DPM3: variants seen among roughly 807,000 people sequenced by gnomAD.
DPM3 encodes the protein dolichol-phosphate mannosyltransferase subunit 3.
A neutral mutation model predicts 8.9 loss-of-function variants in DPM3; 7 were observed. The ratio of observed to expected loss-of-function variants is 0.79; its 90% CI spans 0.45 to 1.48. The LOEUF is 1.48. Among genes scored for constraint, DPM3 ranks in the 40% most tolerant of loss-of-function variants. DPM3 has a pLI of 0.01. For missense variants in DPM3, 108 were observed against 116.2 expected, an observed-to-expected ratio of 0.93 and a Z score of 0.33; for synonymous variants, 41 against 56.3, an observed-to-expected ratio of 0.73 and a Z score of 1.22.
chr1:155,140,123 G>GCC lies in DPM3; in HGVS notation c.116_117dup (p.Pro40GlyfsTer47). ...GACACCAGCAAGTAGGCGGGCAGTG[G>GCC]CCACAGGACTTCCTGGCAGGACAAG... On this transcript the variant is annotated frameshift_variant, in exon 2 of 2. Transcript: ENST00000368400. LOFTEE classifies it high-confidence loss of function. 6.2e-7 allele frequency: 1 copy of GCC among 1,614,150 alleles called. No homozygotes were observed. Among genetic ancestry groups the GCC allele is most frequent in the South Asian group, 1.1e-5 (1 of 91,088 alleles).
chr1:155,139,916 G>A lies in DPM3; in HGVS notation c.*46C>T. The A allele has an allele frequency of 1.3e-6, 2 of 1,551,412 alleles. No homozygotes were observed. The highest frequency in any genetic ancestry group is 1.7e-6 in the Non-Finnish European group (2 of 1,150,826). On this transcript the variant is annotated 3_prime_UTR_variant, in exon 2 of 2. Transcript: ENST00000368400. ...TTAGAAAATAAACTGGCTCTTTAATGGGAAATGGGAGGAAGGGCTGTCCGC... is the reference window on the plus strand; with the variant it reads ...TTAGAAAATAAACTGGCTCTTTAATAGGAAATGGGAGGAAGGGCTGTCCGC...
Position 155,140,069 on chromosome 1 carries a change from CCA to C in DPM3, c.170_171del (p.Val57GlyfsTer9), listed in dbSNP as rs746623090. The C allele has an allele frequency of 6.2e-7, 1 of 1,614,082 alleles. No individual in the cohort carries two copies. The highest frequency in any genetic ancestry group is 1.7e-5 in the Admixed American group (1 of 60,024). Reference protein sequence around the residue: ...VSAGCYALGTVGYRVATFHDC... With the variant: ...VSAGCYALGTXGYRVATFHDC... ...TCATGAAAAGTGGCCACACGATAGC[CCA>C]CAGTGCCCAGGGCATAGCAGCCGGC... On this transcript the variant is annotated frameshift_variant, in exon 2 of 2. Transcript: ENST00000368400. LOFTEE classifies it high-confidence loss of function.
At chr1:155,140,322 G>A (rs1473431857) in intron 1 of DPM3, 77 bp from the exon 2 acceptor site, 3 of 1,510,512 alleles carry the variant, frequency 2.0e-6, no homozygotes, top group Non-Finnish European at 2.7e-6. Context: ...GCCCGCCCAC[G>A]GAGAGCATTA....
intron 1 of DPM3, 116 bp from the exon 2 acceptor site, chr1:155,140,361 C>G (rs1258045223): frequency 2.6e-6 from 3 of 1,141,544 alleles, no homozygotes; most frequent in Non-Finnish European, 3.9e-6. Flanking sequence ...GGGGAATCGC[C>G]GATCCCAGAG....
chr1:155,140,511 T>TC lies in DPM3; in HGVS notation c.-27dup. ...CTTACCTCTACCCCACGTCTCCCCT[T>TC]CCCCGCGCGGCCCGGATGTTGGCGT... is the stretch of plus-strand genomic sequence containing the variant. On this transcript the variant is annotated 5_prime_UTR_variant, in exon 1 of 2. Coordinates refer to ENST00000368400, the MANE Select transcript of DPM3 (RefSeq NM_153741.2). 4.8e-6 allele frequency: 3 copies of TC among 631,348 alleles called. No individual in the cohort carries two copies. In the East Asian group the frequency reaches 8.3e-5, roughly 17 times the overall value. 39.1% of individuals were successfully genotyped at this position (631,348 alleles called of 1,614,324 possible).
At chr1:155,140,439 G>A in intron 1 of DPM3, 52 bp downstream of exon 1, 1 of 717,742 alleles carries the variant, frequency 1.4e-6, no homozygotes, top group South Asian at 1.5e-5. Flanking sequence ...CTATATTTGA[G>A]ACCCACTCCC....
At chr1:155,140,459 C>T (rs1218187427) in intron 1 of DPM3, 32 bp downstream of exon 1, 11 of 710,032 alleles carry the variant, frequency 1.5e-5, no homozygotes, top group Admixed American at 1.0e-4. Flanking sequence ...CCATCTCTCG[C>T]CCTCCCCATT....
At chr1:155,140,408 C>G in intron 1 of DPM3, 83 bp downstream of exon 1, 1 of 751,784 alleles carries the variant, frequency 1.3e-6, no homozygotes, top group Non-Finnish European at 2.4e-6. Context: ...TGGAAGGGCC[C>G]CTTCCACCTT....
Position 155,140,496 on chromosome 1 carries a change from C to A in DPM3, c.-11G>T, listed in dbSNP as rs1029570861. ...AGCCTTCAACCTACACTTACCTCTA[C>A]CCCACGTCTCCCCTTCCCCGCGCGG... On this transcript the variant is annotated 5_prime_UTR_variant, in exon 1 of 2. Transcript: ENST00000368400. 1.7e-5 allele frequency: 11 copies of A among 654,226 alleles called. No individual in the cohort carries two copies. The highest frequency in any genetic ancestry group is 1.1e-4 in the African/African-American group (6 of 54,976). The allele number at this position is 654,226 out of a possible 1,614,324, so 40.5% of individuals were successfully genotyped here. A position where few individuals can be genotyped will look rare whatever the true frequency, so the allele number is the denominator to read the frequency against.
chr1:155,140,330 T>A (rs1664708942), intron 1 of DPM3, 85 bp from the exon 2 acceptor site: 1 of 1,453,044 alleles, frequency 6.9e-7, no homozygotes, highest in Non-Finnish European at 9.5e-7. Context: ...ACGGAGAGCA[T>A]TAAAACCAGC....
Position 155,140,262 on chromosome 1 carries a change from C to A in DPM3, c.-5-17G>T. On this transcript the variant is annotated splice_polypyrimidine_tract_variant and intron_variant, in intron 1 of 1. Transcript: ENST00000368400. ...TCATGGTCACTGCGAGAGAAGGAAG[C>A]AATGCTCCCCTGAGGAGCAGAAAGG... The A allele has an allele frequency of 6.2e-7, 1 of 1,613,236 alleles. No individual in the cohort carries two copies. The highest frequency in any genetic ancestry group is 8.5e-7 in the Non-Finnish European group (1 of 1,179,698).
rs1020724209 is a variant in DPM3 at position 155,140,500 on chromosome 1, A to C, written c.-15T>G. 5 of 645,618 alleles carry C rather than the reference A, an allele frequency of 7.7e-6. No homozygotes were observed. The highest frequency in any genetic ancestry group is 1.4e-5 in the Non-Finnish European group (5 of 349,852). The allele number at this position is 645,618 out of a possible 1,614,324, so 40.0% of individuals were successfully genotyped here. ...TTCAACCTACACTTACCTCTACCCCACGTCTCCCCTTCCCCGCGCGGCCCG... is the reference window on the plus strand; with the variant it reads ...TTCAACCTACACTTACCTCTACCCCCCGTCTCCCCTTCCCCGCGCGGCCCG... On this transcript the variant is annotated 5_prime_UTR_variant, in exon 1 of 2. Transcript: ENST00000368400.
chr1:155,140,287 G>T, intron 1 of DPM3, 42 bp from the exon 2 acceptor site: 1 of 1,606,088 alleles, frequency 6.2e-7, no homozygotes, highest in East Asian at 2.2e-5. Context: ...GAGCAGAAAG[G>T]AAAAGCGGAC....
Position 155,140,474 on chromosome 1 carries a change from C to A in DPM3, c.-6+17G>T. ...CCATCTCTCGCCCTCCCCATTCAGC[C>A]TTCAACCTACACTTACCTCTACCCC... On this transcript the variant is annotated intron_variant, in intron 1 of 1. Coordinates refer to ENST00000368400, the MANE Select transcript of DPM3 (RefSeq NM_153741.2). 2.8e-6 allele frequency: 2 copies of A among 703,944 alleles called. No individual in the cohort carries two copies. The highest frequency in any genetic ancestry group is 3.0e-5 in the South Asian group (2 of 65,760). The allele number at this position is 703,944 out of a possible 1,614,324, so 43.6% of individuals were successfully genotyped here. A position where few individuals can be genotyped will look rare whatever the true frequency, so the allele number is the denominator to read the frequency against.
chr1:155,140,408 C>T lies in DPM3; in HGVS notation c.-6+83G>A. On this transcript the variant is annotated intron_variant, in intron 1 of 1. Coordinates refer to ENST00000368400, the MANE Select transcript of DPM3 (RefSeq NM_153741.2). ...AGTGCCCACAAAAGGTGGAAGGGCC[C>T]CTTCCACCTTGCTACCCCCTCTATA... is the stretch of plus-strand genomic sequence containing the variant. 4.0e-6 allele frequency: 3 copies of T among 751,784 alleles called. No individual in the cohort carries two copies. The Admixed American group carries it at 6.0e-5, about 15-fold the overall frequency. 46.6% of individuals were successfully genotyped at this position (751,784 alleles called of 1,614,324 possible).
At position 155,140,223 on chromosome 1, in the gene DPM3, C is replaced by A. The variant is rs371451995; in HGVS notation, c.18G>T (p.Gln6His). MTKLA[Q>H]WLWGLAILGS... ...CCAGGATCGCTAGTCCCCAAAGCCACTGCGCTAATTTCGTCATGGTCACTG... is the reference window on the plus strand; with the variant it reads ...CCAGGATCGCTAGTCCCCAAAGCCAATGCGCTAATTTCGTCATGGTCACTG... The change falls in exon 2 of 2, where the codon CAG (glutamine) becomes CAT (histidine). Residue 6 changes from glutamine to histidine, a missense_variant. Physicochemically the swap from Gln to His is conservative, Grantham distance 24. Coordinates refer to ENST00000368400, the MANE Select transcript of DPM3 (RefSeq NM_153741.2). 2 of 1,614,158 alleles carry A rather than the reference C, an allele frequency of 1.2e-6. No homozygotes were observed. The highest frequency in any genetic ancestry group is 1.7e-6 in the Non-Finnish European group (2 of 1,180,042).
In DPM3 at chr1:155,140,197, C is replaced by T. The variant is rs372215837; in HGVS notation, c.44G>A (p.Gly15Asp). ...AQWLWGLAIL[G>D]STWVALTTGA... is the part of the protein sequence containing the mutation. ...CGTGGTCAGGGCCACCCAGGTGGAG[C>T]CCAGGATCGCTAGTCCCCAAAGCCA... Residue 15 changes from glycine (G) to aspartate (D), a missense_variant, in exon 2 of 2, where the codon GGC (glycine) becomes GAC (aspartate). Physicochemically the swap from Gly to Asp is moderately conservative, Grantham distance 94. Coordinates refer to ENST00000368400, the MANE Select transcript of DPM3 (RefSeq NM_153741.2). The T allele has an allele frequency of 1.2e-6, 2 of 1,614,028 alleles. No individual in the cohort carries two copies. The highest frequency in any genetic ancestry group is 2.7e-5 in the African/African-American group (2 of 74,924).
Position 155,140,062 on chromosome 1 carries a change from C to T in DPM3, c.179G>A (p.Arg60His), listed in dbSNP as rs773427971. The part of the protein sequence containing the change: ...GCYALGTVGY[R>H]VATFHDCEDA... Reference sequence around the variant, plus strand: ...CTCGCAGTCATGAAAAGTGGCCACACGATAGCCCACAGTGCCCAGGGCATA... The same window carrying T: ...CTCGCAGTCATGAAAAGTGGCCACATGATAGCCCACAGTGCCCAGGGCATA... The change falls in exon 2 of 2, where the codon CGT becomes CAT. Residue 60 changes from arginine (R) to histidine (H), a missense_variant. Arg to His is a conservative substitution (Grantham distance 29, BLOSUM62 0). Coordinates refer to ENST00000368400, the MANE Select transcript of DPM3 (RefSeq NM_153741.2). 4.3e-6 allele frequency: 7 copies of T among 1,614,012 alleles called. No individual in the cohort carries two copies. The South Asian group carries it at 7.7e-5, about 18-fold the overall frequency.
In DPM3 at chr1:155,140,017, T is replaced by A; in HGVS notation, c.224A>T (p.Gln75Leu). The A allele has an allele frequency of 6.2e-7, 1 of 1,613,968 alleles. No individual in the cohort carries two copies. Among genetic ancestry groups the A allele is most frequent in the Non-Finnish European group, 8.5e-7 (1 of 1,180,020 alleles). Residue 75 changes from glutamine (Q) to leucine (L), a missense_variant, in exon 2 of 2, where the codon CAG becomes CTG. Physicochemically the swap from Gln to Leu is moderately radical, Grantham distance 113. Coordinates refer to ENST00000368400, the MANE Select transcript of DPM3 (RefSeq NM_153741.2). ...GGCTCGGGCCTCCTGTATCTGGCTC[T>A]GCAGCTCGCGTGCGGCGTCCTCGCA... ...HDCEDAARELQSQIQEARADL... is the reference protein window; with the variant it reads ...HDCEDAARELLSQIQEARADL...
Sources: gnomAD v4.1 joint callset for allele counts on GRCh38, gnomAD v4.1.1 for gene constraint, MANE v1.5 for transcripts, NCBI Gene and HGNC (gene_info 2026-07-23, HGNC 2026-07-21) for gene names.